Variants in RGS12 observed in about 807,000 individuals in gnomAD.
RGS12 encodes regulator of G-protein signaling 12.
A neutral mutation model predicts 120.1 loss-of-function variants in RGS12; 66 were observed. The ratio of observed to expected loss-of-function variants is 0.55; its 90% CI spans 0.45 to 0.67. RGS12 has a LOEUF of 0.67. Ranked by LOEUF, RGS12 falls within the 30% of genes least tolerant of loss-of-function variation. The probability of loss-of-function intolerance (pLI) is 0.00; values close to 1 mark genes in which losing one functional copy is unlikely to be tolerated. For synonymous variants in RGS12, 827 were observed against 804.7 expected, an observed-to-expected ratio of 1.03 and a Z score of -0.47; for missense variants, 1,859 against 1,957.7, an observed-to-expected ratio of 0.95 and a Z score of 0.95.
At chr4:3,363,431 C>A (rs1049394952) in intron 3 of RGS12, among the ~76,000 whole-genome samples, 6 of 152,088 alleles carry the variant, frequency 3.9e-5, no homozygotes, top group Non-Finnish European at 1.5e-5. Context: ...GCTCCAGCCT[C>A]CCCGAGAGAC....
intron 3 of RGS12, among the ~76,000 whole-genome samples, chr4:3,384,610 C>A (rs906189729): frequency 6.6e-6 from 1 of 152,232 alleles, no homozygotes; most frequent in Non-Finnish European, 1.5e-5. Flanking sequence ...GGGCCAAGGG[C>A]CACATGGTGG....
chr4:3,287,093 G>A, the RGS12 span, among the ~76,000 whole-genome samples: 1 of 152,174 alleles, frequency 6.6e-6, no homozygotes. Flanking sequence ...ATAATCCTCC[G>A]GGAAAAGGTG....
intron 1 of RGS12, among the ~76,000 whole-genome samples, chr4:3,297,666 T>G (rs1164658002): frequency 2.6e-5 from 4 of 152,186 alleles, no homozygotes; most frequent in African/African-American, 7.2e-5. Flanking sequence ...AAATGGTTTG[T>G]TTTTCATTGC....
Position 3,316,448 on chromosome 4 carries a change from T to A in RGS12, c.278T>A (p.Met93Lys), listed in dbSNP as rs1263695165. The change falls in exon 2 of 18, where the codon ATG becomes AAG. Residue 93 changes from methionine to lysine, a missense_variant. Around this residue, in one of 3 missense-constraint regions of RGS12, gnomAD observed 967 missense variants for 994.2 expected, o/e 0.97. Coordinates refer to ENST00000336727, the MANE Select transcript of RGS12 (RefSeq NM_001394154.1). ...GGGAAGTGCTCTGGTGTCCTTCACA[T>A]GGTGATTGCTGAAGGCGTCGGCCGC... ...LIGKCSGVLHMVIAEGVGRFE... is the reference protein window; with the variant it reads ...LIGKCSGVLHKVIAEGVGRFE... 1 of 1,614,142 alleles carries A rather than the reference T, an allele frequency of 6.2e-7. No homozygotes were observed. Among genetic ancestry groups the A allele is most frequent in the Non-Finnish European group, 8.5e-7 (1 of 1,180,042 alleles).
chr4:3,430,890 GC>G lies in RGS12; in HGVS notation c.4053del (p.Asn1352ThrfsTer41). ...LTLMGEGDIS[S>X]PNSTLLPPPS... is the part of the protein sequence containing the mutation. ...CTGATGGGGGAGGGGGACATCAGCA[GC>G]CCCAACAGCACCTTGCTGCCGCCGC... On this transcript the variant is annotated frameshift_variant, in exon 17 of 18. Transcript: ENST00000336727. LOFTEE classifies it high-confidence loss of function. 1 of 1,612,756 alleles carries G rather than the reference GC, an allele frequency of 6.2e-7. No homozygotes were observed. Among genetic ancestry groups the G allele is most frequent in the African/African-American group, 1.3e-5 (1 of 75,064 alleles).
intron 2 of RGS12, among the ~76,000 whole-genome samples, chr4:3,327,055 C>G (rs561091389): frequency 2.0e-5 from 3 of 152,332 alleles, no homozygotes; most frequent in South Asian, 2.1e-4. Context: ...TACCTGACTT[C>G]AAATTATACA....
chr4:3,311,186 C>T (rs1250607640), intron 1 of RGS12, among the ~76,000 whole-genome samples: 8 of 152,118 alleles, frequency 5.3e-5, no homozygotes, highest in African/African-American at 1.4e-4. Flanking sequence ...CGGAGGACGG[C>T]GTCTCTCTCG....
At chr4:3,328,480 A>T (rs1475601957) in intron 2 of RGS12, among the ~76,000 whole-genome samples, 1 of 152,188 alleles carries the variant, frequency 6.6e-6, no homozygotes, top group African/African-American at 2.4e-5. Context: ...GCCCTGTGCT[A>T]CCTCAGGACT....
intron 4 of RGS12, among the ~76,000 whole-genome samples, chr4:3,396,663 G>C (rs12648723): frequency 6.6e-6 from 1 of 151,880 alleles, no homozygotes; most frequent in Non-Finnish European, 1.5e-5. Context: ...CGTAATTCTC[G>C]TCCCTGGCAT....
chr4:3,382,041 C>T (rs547498805), intron 3 of RGS12, among the ~76,000 whole-genome samples: 11 of 152,280 alleles, frequency 7.2e-5, no homozygotes, highest in African/African-American at 1.9e-4. Flanking sequence ...AAAAAATAGT[C>T]GTAACGTCAC....
chr4:3,348,041 T>G (rs1713986908), intron 3 of RGS12, among the ~76,000 whole-genome samples: 1 of 152,218 alleles, frequency 6.6e-6, no homozygotes, highest in Non-Finnish European at 1.5e-5. Flanking sequence ...TAAGTCTTTG[T>G]AAGATGAGAG....
At chr4:3,338,553 C>T (rs1020942900) in intron 2 of RGS12, among the ~76,000 whole-genome samples, 1 of 152,258 alleles carries the variant, frequency 6.6e-6, no homozygotes, top group African/African-American at 2.4e-5. Flanking sequence ...GTTGATTGGC[C>T]TGAGGCCCTT....
intron 3 of RGS12, among the ~76,000 whole-genome samples, chr4:3,368,797 G>T (rs530128139): frequency 6.6e-6 from 1 of 151,916 alleles, no homozygotes; most frequent in South Asian, 2.1e-4. Context: ...GGAAGGCAGG[G>T]GACGAGGATG....
At position 3,317,571 on chromosome 4, in the gene RGS12, C is replaced by T. The variant is rs775919085; in HGVS notation, c.1401C>T (p.Pro467=). Reference sequence around the variant, plus strand: ...GTGTGGGTGGGAGGGGTGCCCAGCCCTGGGGTGCTCCCTGGACTGGGCCCT... The same window carrying T: ...GTGTGGGTGGGAGGGGTGCCCAGCCTTGGGGTGCTCCCTGGACTGGGCCCT... The part of the protein sequence containing the change: ...WDGVGGRGAQ[P]WGAPWTGPFC... The change falls in exon 2 of 18, where the codon CCC becomes CCT. Residue 467 remains proline, a synonymous_variant. Transcript: ENST00000336727. The T allele has an allele frequency of 6.2e-7, 1 of 1,604,002 alleles. No individual in the cohort carries two copies. The highest frequency in any genetic ancestry group is 1.7e-5 in the Admixed American group (1 of 59,698).
intron 16 of RGS12, among the ~76,000 whole-genome samples, chr4:3,429,941 C>T (rs1009369174): frequency 3.3e-5 from 5 of 152,160 alleles, no homozygotes; most frequent in Non-Finnish European, 7.4e-5. Context: ...CACCCCTCCT[C>T]GGGTTCATTC....
At chr4:3,382,673 C>T (rs1481833428) in intron 3 of RGS12, among the ~76,000 whole-genome samples, 1 of 152,012 alleles carries the variant, frequency 6.6e-6, no homozygotes, top group Non-Finnish European at 1.5e-5. Context: ...ATTTTCTCTG[C>T]CCATCCCTCT....
chr4:3,381,408 T>C (rs1381781196), intron 3 of RGS12, among the ~76,000 whole-genome samples: 1 of 152,238 alleles, frequency 6.6e-6, no homozygotes, highest in African/African-American at 2.4e-5. Context: ...GGTAGCAATT[T>C]ACTATATTAG....
Position 3,309,625 on chromosome 4 carries a change from CCG to C in RGS12, c.-101-6443_-101-6442del, listed in dbSNP as rs1159358087. ...GCTGGGACCTGGGAATGGCAGGTGT[CCG>C]CTGAGGGGAACCGTGTGGGGGAGGA... On this transcript the variant is annotated intron_variant, in intron 1 of 17. Transcript: ENST00000336727. Among the ~76,000 whole-genome samples, 32 of 124,676 alleles carry C rather than the reference CCG, an allele frequency of 2.6e-4. 1 individual carries two copies. The highest frequency in any genetic ancestry group is 9.1e-4 in the South Asian group (3 of 3,294). The allele number at this position is 124,676 out of a possible 152,430, so 81.8% of individuals were successfully genotyped here.
chr4:3,414,066 C>T lies in RGS12; in HGVS notation c.2021-6C>T. 1.3e-6 allele frequency: 2 copies of T among 1,549,656 alleles called. No homozygotes were observed. Among genetic ancestry groups the T allele is most frequent in the Non-Finnish European group, 1.7e-6 (2 of 1,151,054 alleles). ...GGTGCAGGTGCTGTCTGTGCTGGTC[C>T]CGCAGAGTTGACGGGCGCCGACCTG... On this transcript the variant is annotated splice_region_variant and splice_polypyrimidine_tract_variant and intron_variant, in intron 4 of 17. Transcript: ENST00000336727.
Sources: allele counts gnomAD v4.1 joint callset (sites outside exome capture counted in the v4.1 genomes callset), GRCh38; gene constraint gnomAD v4.1.1; regional missense constraint gnomAD v4.1.1; transcripts MANE v1.5; gene names NCBI Gene and HGNC (gene_info 2026-07-23, HGNC 2026-07-21).